The following SAR1A variants were observed in gnomAD, a reference collection of about 807,000 sequenced individuals.
SAR1A encodes the protein small COPII coat GTPase SAR1A.
SAR1A carries 6 observed loss-of-function variants against 22.6 expected under a neutral mutation model. That is an observed-to-expected ratio of 0.27 (90% CI 0.15 to 0.52). The LOEUF (loss-of-function observed/expected upper bound fraction) is 0.52. SAR1A is among the 20% of genes least tolerant of loss of function. The probability of loss-of-function intolerance (pLI) is 0.96; values close to 1 mark genes in which losing one functional copy is unlikely to be tolerated. For missense variants in SAR1A, 145 were observed against 245.1 expected, an observed-to-expected ratio of 0.59 and a Z score of 2.73; for synonymous variants, 70 against 82.2, an observed-to-expected ratio of 0.85 and a Z score of 0.80.
chr10:70,155,140 T>C, intron 5 of SAR1A: 1 of 521,242 alleles, frequency 1.9e-6, no homozygotes, highest in South Asian at 1.5e-5. Context: ...AGACCACAAA[T>C]CCAGAAGTTA....
chr10:70,161,980 C>A, intron 1 of SAR1A, 49 bp from the exon 2 acceptor site: 3 of 1,343,908 alleles, frequency 2.2e-6, no homozygotes, highest in Middle Eastern at 2.5e-4. Context: ...AATGACAGTA[C>A]AATTGTGGAG....
At chr10:70,164,726 T>TA (rs1839522903) in intron 1 of SAR1A, among the ~76,000 whole-genome samples, 1 of 152,126 alleles carries the variant, frequency 6.6e-6, no homozygotes, top group African/African-American at 2.4e-5. Context: ...GTTTTCCAAT[T>TA]AAAAAAATTA....
Position 70,166,201 on chromosome 10 carries a change from T to TAAAA in SAR1A, c.-17+4211_-17+4212insTTTT, listed in dbSNP as rs1181115295. Among the ~76,000 whole-genome samples, 3 of 152,250 alleles carry TAAAA rather than the reference T, an allele frequency of 2.0e-5. No individual in the cohort carries two copies. In the East Asian group the frequency reaches 5.8e-4, roughly 29 times the overall value. On this transcript the variant is annotated intron_variant, in intron 1 of 6. Transcript: ENST00000373241. ...TGTTACTTGCTTTACTGTACTTGTTTTATTTCAGTAGTCTGGAACTAAACT... is the reference window on the plus strand; with the variant it reads ...TGTTACTTGCTTTACTGTACTTGTTTAAAATATTTCAGTAGTCTGGAACTAAACT...
chr10:70,165,278 A>T (rs1276235830), intron 1 of SAR1A, among the ~76,000 whole-genome samples: 143 of 151,952 alleles, frequency 9.4e-4, no homozygotes, highest in African/African-American at 3.4e-3. Context: ...AAAAAAAAAA[A>T]AAAAAAAGAA....
rs201493587 is a variant in SAR1A at position 70,151,259 on chromosome 10, C to CAAAAAAAAAAAAAAAAAAAAAAAAAAAAA, written c.*1216_*1217insTTTTTTTTTTTTTTTTTTTTTTTTTTTTT. 5 of 70,366 alleles carry CAAAAAAAAAAAAAAAAAAAAAAAAAAAAA rather than the reference C, an allele frequency of 7.1e-5. No homozygotes were observed. The highest frequency in any genetic ancestry group is 2.0e-4 in the Admixed American group (1 of 4,962). The allele number at this position is 70,366 out of a possible 1,614,324, so 4.4% of individuals were successfully genotyped here. The stretch of plus-strand genomic sequence containing the variant: ...GCAATGGAGAAAGACAATTTCATAC[C>CAAAAAAAAAAAAAAAAAAAAAAAAAAAAA]AAAAAAAAAAAAAAAAAAAAAAAAA... On this transcript the variant is annotated 3_prime_UTR_variant, in exon 7 of 7. Coordinates refer to ENST00000373241, the MANE Select transcript of SAR1A (RefSeq NM_020150.5).
rs1430682654 is a variant in SAR1A, at chr10:70,149,723, T to A, written c.*2753A>T. On this transcript the variant is annotated 3_prime_UTR_variant, in exon 7 of 7. Transcript: ENST00000373241. ...CATGTACCACAATGCCCAGCTAATTTTTTTGTATTTTAGTAGTGATGGGGT... is the reference window on the plus strand; with the variant it reads ...CATGTACCACAATGCCCAGCTAATTATTTTGTATTTTAGTAGTGATGGGGT... The A allele has an allele frequency of 6.6e-6, 1 of 151,726 alleles. No homozygotes were observed. Among genetic ancestry groups the A allele is most frequent in the African/African-American group, 2.4e-5 (1 of 41,198 alleles). 9.4% of individuals were successfully genotyped at this position (151,726 alleles called of 1,614,324 possible).
chr10:70,166,425 G>T (rs16927371), intron 1 of SAR1A, among the ~76,000 whole-genome samples: 13,615 of 152,172 alleles, frequency 0.089, 1,152 homozygotes, highest in East Asian at 0.22. Context: ...AAAGCACATT[G>T]ATTTGAATGA....
intron 1 of SAR1A, among the ~76,000 whole-genome samples, chr10:70,164,524 T>C (rs147008602): frequency 1.3e-5 from 2 of 152,204 alleles, no homozygotes; most frequent in Non-Finnish European, 2.9e-5. Flanking sequence ...TACTTAAAAG[T>C]TGCACTACTG....
At chr10:70,164,234 T>C (rs1839515946) in intron 1 of SAR1A, 2 of 570,974 alleles carry the variant, frequency 3.5e-6, no homozygotes, top group South Asian at 2.0e-5. Flanking sequence ...AAAAAAAATA[T>C]GCATGTATGG....
Position 70,164,380 on chromosome 10 carries a change from T to A in SAR1A, c.-16-2449A>T, listed in dbSNP as rs192021393. On this transcript the variant is annotated intron_variant, in intron 1 of 6. Transcript: ENST00000373241. ...TCTAAGCCCTTCTGCACATCTAAACTTAGGTGGAGTTGGTCAAATAAGGGA... is the reference window on the plus strand; with the variant it reads ...TCTAAGCCCTTCTGCACATCTAAACATAGGTGGAGTTGGTCAAATAAGGGA... Among the ~76,000 whole-genome samples, 18 of 152,316 alleles carry A rather than the reference T, an allele frequency of 1.2e-4. No homozygotes were observed. The East Asian group carries it at 3.3e-3, about 28-fold the overall frequency.
intron 4 of SAR1A, among the ~76,000 whole-genome samples, chr10:70,158,100 A>C (rs1839418243): frequency 6.6e-6 from 1 of 152,118 alleles, no homozygotes; most frequent in African/African-American, 2.4e-5. Flanking sequence ...TTTTTTGAAA[A>C]ACTGCAACAT....
At position 70,150,013 on chromosome 10, in the gene SAR1A, G is replaced by A. The variant is rs1006386820; in HGVS notation, c.*2463C>T. The A allele has an allele frequency of 5.3e-5, 8 of 152,052 alleles. No individual in the cohort carries two copies. The highest frequency in any genetic ancestry group is 1.9e-4 in the African/African-American group (8 of 41,376). 9.4% of individuals were successfully genotyped at this position (152,052 alleles called of 1,614,324 possible). A position where few individuals can be genotyped will look rare whatever the true frequency, so the allele number is the denominator to read the frequency against. ...CAGCATGTTCCAAATCTCTCAAGTA[G>A]TACTAAATCTATTACTTCTAGTACC... On this transcript the variant is annotated 3_prime_UTR_variant, in exon 7 of 7. Coordinates refer to ENST00000373241, the MANE Select transcript of SAR1A (RefSeq NM_020150.5).
intron 1 of SAR1A, chr10:70,164,236 C>T: frequency 3.5e-6 from 2 of 567,112 alleles, no homozygotes; most frequent in Non-Finnish European, 6.5e-6. Flanking sequence ...AAAAAATATG[C>T]ATGTATGGTA....
In SAR1A at chr10:70,152,374, T is replaced by C. The variant is rs1839336237; in HGVS notation, c.*102A>G. 1 of 1,020,394 alleles carries C rather than the reference T, an allele frequency of 9.8e-7. No individual in the cohort carries two copies. The highest frequency in any genetic ancestry group is 1.3e-5 in the South Asian group (1 of 76,804). 63.2% of individuals were successfully genotyped at this position (1,020,394 alleles called of 1,614,324 possible). A position where few individuals can be genotyped will look rare whatever the true frequency, so the allele number is the denominator to read the frequency against. On this transcript the variant is annotated 3_prime_UTR_variant, in exon 7 of 7. Transcript: ENST00000373241. ...ACTCTTGGCTTCTCAACGCCAGACA[T>C]GGTTGGAGAGCTTTCCTTGTTCTAT...
intron 5 of SAR1A, among the ~76,000 whole-genome samples, chr10:70,156,113 T>C (rs542609741): frequency 3.3e-5 from 5 of 152,192 alleles, no homozygotes; most frequent in Admixed American, 2.6e-4. Flanking sequence ...ACAGAATCAG[T>C]AGTAGGAGTT....
intron 5 of SAR1A, chr10:70,155,126 TA>T (rs1195431750): frequency 1.9e-6 from 1 of 525,700 alleles, no homozygotes; most frequent in Non-Finnish European, 3.9e-6. Flanking sequence ...CAATATATCC[TA>T]AAAGACCACA....
At position 70,151,537 on chromosome 10, in the gene SAR1A, C is replaced by A. The variant is rs1443765372; in HGVS notation, c.*939G>T. 1.3e-5 allele frequency: 2 copies of A among 152,508 alleles called. No homozygotes were observed. The highest frequency in any genetic ancestry group is 4.8e-5 in the African/African-American group (2 of 41,514). 9.4% of individuals were successfully genotyped at this position (152,508 alleles called of 1,614,324 possible). On this transcript the variant is annotated 3_prime_UTR_variant, in exon 7 of 7. Coordinates refer to ENST00000373241, the MANE Select transcript of SAR1A (RefSeq NM_020150.5). ...CTGTCTTCCTATTCAGAAAAATGTC[C>A]CCCTAGAATCTGTGCAAAAGTAACT...
In SAR1A at chr10:70,149,127, T is replaced by G. The variant is rs1311478631; in HGVS notation, c.*3349A>C. ...GAGATGGGAGTCACCCAGGCTGGAG[T>G]GCAGTGGCGCGATCTCGGCTCACTG... On this transcript the variant is annotated 3_prime_UTR_variant, in exon 7 of 7. Transcript: ENST00000373241. The G allele has an allele frequency of 6.6e-6, 1 of 152,402 alleles. No homozygotes were observed. The highest frequency in any genetic ancestry group is 1.5e-5 in the Non-Finnish European group (1 of 68,290). 9.4% of individuals were successfully genotyped at this position (152,402 alleles called of 1,614,324 possible). A position where few individuals can be genotyped will look rare whatever the true frequency, so the allele number is the denominator to read the frequency against.
At chr10:70,152,913 A>G (rs1403364728) in intron 6 of SAR1A, among the ~76,000 whole-genome samples, 1 of 152,246 alleles carries the variant, frequency 6.6e-6, no homozygotes, top group African/African-American at 2.4e-5. Context: ...CCTCTGATGC[A>G]GAAAAGAGGT....
Sources: gnomAD v4.1 joint callset for allele counts (sites outside exome capture counted in the v4.1 genomes callset) on GRCh38, gnomAD v4.1.1 for gene constraint, MANE v1.5 for transcripts, NCBI Gene and HGNC (gene_info 2026-07-23, HGNC 2026-07-21) for gene names.